Variants in SHANK2 observed in about 807,000 individuals in gnomAD.
SHANK2 encodes the protein SH3 and multiple ankyrin repeat domains 2.
Under a neutral mutation model 133.7 loss-of-function variants are expected in SHANK2, and 43 were observed. That is an observed-to-expected ratio of 0.32 (90% CI 0.25 to 0.41). The LOEUF is 0.41. Among genes scored for constraint, SHANK2 ranks in the 10% least tolerant of loss-of-function variants. SHANK2 has a pLI of 1.00. For synonymous variants in SHANK2, 1,017 were observed against 952.8 expected (o/e 1.07, Z -1.24); for missense variants, 1,994 against 2,235.8 (o/e 0.89, Z 2.18).
chr11:70,519,905 ATTTTTTTTTTT>A (rs781977357), intron 17 of SHANK2, among the ~76,000 whole-genome samples: 1 of 121,450 alleles, frequency 8.2e-6, no homozygotes, highest in Non-Finnish European at 1.7e-5. Flanking sequence ...ACCATGCCTA[ATTTTTTTTTTT>A]TTTTTTTTTT....
At chr11:70,599,891 A>AAAG in intron 17 of SHANK2, among the ~76,000 whole-genome samples, 1 of 72,150 alleles carries the variant, frequency 1.4e-5, no homozygotes, top group East Asian at 8.0e-4. Flanking sequence ...AAGAAAGAAA[A>AAAG]AGAAAGAAAG....
rs1208460026 is a variant in SHANK2, at chr11:70,500,462, A to G, written c.2308+108T>C. 2 of 1,482,032 alleles carry G rather than the reference A, an allele frequency of 1.3e-6. No homozygotes were observed. Among genetic ancestry groups the G allele is most frequent in the Non-Finnish European group, 1.8e-6 (2 of 1,084,286 alleles). 91.8% of individuals were successfully genotyped at this position (1,482,032 alleles called of 1,614,324 possible). On this transcript the variant is annotated intron_variant, in intron 21 of 25. Transcript: ENST00000601538. This position sits in a 1 kb window ranked among gnomAD's most constrained non-coding sequence, Gnocchi z 4.5. ...CGGGCAGGACCCAGCAGGAGAAGCC[A>G]ACAAGGCTTTGCGACACATTTGAGA...
At chr11:70,819,299 G>A (rs782769956) in intron 12 of SHANK2, among the ~76,000 whole-genome samples, 23 of 152,360 alleles carry the variant, frequency 1.5e-4, no homozygotes, top group Middle Eastern at 3.4e-3. Context: ...TCATAGAGGC[G>A]TCTGCAGCAA....
At chr11:71,233,836 T>G (rs1954785044) in intron 1 of SHANK2, among the ~76,000 whole-genome samples, 1 of 150,914 alleles carries the variant, frequency 6.6e-6, no homozygotes, top group Non-Finnish European at 1.5e-5. Flanking sequence ...TCACTTGAGG[T>G]CAGCAGTTAG....
intron 11 of SHANK2, among the ~76,000 whole-genome samples, chr11:70,829,079 C>A (rs1249547819): frequency 1.3e-5 from 2 of 152,204 alleles, no homozygotes; most frequent in Non-Finnish European, 2.9e-5. Flanking sequence ...CACGGAAGAC[C>A]TTGGGTGGAG....
rs975154580 is a variant in SHANK2, at chr11:70,813,370, A to G, written c.1494-6199T>C. 2.0e-5 allele frequency among the ~76,000 whole-genome samples: 3 copies of G among 152,268 alleles called. No homozygotes were observed. The East Asian group carries it at 5.8e-4, about 30-fold the overall frequency. ...CCACACGGCGCAGTGGTGCCAGTGAACGAGCACCAGCTCACCCTGGATGCA... is the reference window on the plus strand; with the variant it reads ...CCACACGGCGCAGTGGTGCCAGTGAGCGAGCACCAGCTCACCCTGGATGCA... On this transcript the variant is annotated intron_variant, in intron 12 of 25. Coordinates refer to ENST00000601538, the MANE Select transcript of SHANK2 (RefSeq NM_012309.5).
intron 17 of SHANK2, among the ~76,000 whole-genome samples, chr11:70,648,670 G>A (rs368218816): frequency 1.1e-4 from 16 of 152,282 alleles, no homozygotes; most frequent in African/African-American, 2.9e-4. Flanking sequence ...CCAGGGAAGG[G>A]CTGGCTTCTC....
chr11:70,673,666 C>G (rs2134344037), intron 15 of SHANK2, among the ~76,000 whole-genome samples: 1 of 152,392 alleles, frequency 6.6e-6, no homozygotes, highest in East Asian at 1.9e-4. Flanking sequence ...CGTGGTCCCC[C>G]CACCAGGATC....
At chr11:71,165,961 G>C (rs1361680051) in intron 2 of SHANK2, among the ~76,000 whole-genome samples, 2 of 152,120 alleles carry the variant, frequency 1.3e-5, no homozygotes, top group African/African-American at 4.8e-5. Flanking sequence ...AGCGTGAGTG[G>C]AGGACAACTC....
intron 4 of SHANK2, among the ~76,000 whole-genome samples, chr11:71,117,865 G>GGGA (rs1435438182): frequency 2.0e-5 from 3 of 152,176 alleles, no homozygotes; most frequent in Non-Finnish European, 4.4e-5. Context: ...GCTCCAGCAA[G>GGGA]GGATGGAACC....
intron 14 of SHANK2, among the ~76,000 whole-genome samples, chr11:70,783,062 CTCTG>C (rs570419953): frequency 4.4e-4 from 67 of 152,296 alleles, no homozygotes; most frequent in South Asian, 8.3e-4. Flanking sequence ...TCTTCTCTGT[CTCTG>C]TCTTTCTGCG....
At chr11:70,795,487 C>A (rs1947891333) in intron 14 of SHANK2, among the ~76,000 whole-genome samples, 1 of 145,332 alleles carries the variant, frequency 6.9e-6, no homozygotes, top group Middle Eastern at 3.7e-3. Flanking sequence ...CTCACTGCAA[C>A]CTCCGCCTCC....
intron 17 of SHANK2, among the ~76,000 whole-genome samples, chr11:70,652,191 G>A (rs192308496): frequency 6.6e-6 from 1 of 152,336 alleles, no homozygotes; most frequent in Admixed American, 6.5e-5. Context: ...TGGGAGCAGT[G>A]GTTTGAGCCA....
intron 3 of SHANK2, among the ~76,000 whole-genome samples, chr11:71,142,232 C>T (rs1405607158): frequency 6.6e-6 from 1 of 152,212 alleles, no homozygotes; most frequent in East Asian, 1.9e-4. Context: ...GGCGCGGTGG[C>T]TCACGCCTAT....
Position 70,700,355 on chromosome 11 carries a change from C to T in SHANK2, c.1778-1592G>A, listed in dbSNP as rs147871048. Among the ~76,000 whole-genome samples, 249 of 152,316 alleles carry T rather than the reference C, an allele frequency of 1.6e-3. 4 individuals are homozygous for T. In the East Asian group the frequency reaches 0.037, roughly 23 times the overall value. ...CCAGGGAGTGGGGCACACTCCACTT[C>T]GCAGGCCCCTCCAGTGCAGCCAGGG... On this transcript the variant is annotated intron_variant, in intron 14 of 25. Coordinates refer to ENST00000601538, the MANE Select transcript of SHANK2 (RefSeq NM_012309.5).
intron 17 of SHANK2, among the ~76,000 whole-genome samples, chr11:70,614,753 C>T (rs2060715525): frequency 1.3e-5 from 2 of 152,242 alleles, no homozygotes; most frequent in South Asian, 4.1e-4. Flanking sequence ...TGACCAAGCC[C>T]TTCTGCAGAT....
chr11:71,204,231 A>G (rs1187997719), intron 2 of SHANK2, among the ~76,000 whole-genome samples: 3 of 140,416 alleles, frequency 2.1e-5, no homozygotes, highest in Non-Finnish European at 4.6e-5. Context: ...AAAGATGTAA[A>G]TCCAAAAAAA....
intron 14 of SHANK2, among the ~76,000 whole-genome samples, chr11:70,710,977 C>T (rs1286101300): frequency 2.0e-5 from 3 of 152,270 alleles, no homozygotes; most frequent in Admixed American, 1.3e-4. Context: ...TGCAATCTCA[C>T]CCAAGACAGA....
rs1056484202 is a variant in SHANK2 at position 71,088,747 on chromosome 11, C to G, written c.912+3675G>C. On this transcript the variant is annotated intron_variant, in intron 8 of 25. Coordinates refer to ENST00000601538, the MANE Select transcript of SHANK2 (RefSeq NM_012309.5). ...GACCTTGTGGGTGACTGCACCACCCCACCAGGGGCCGCCCCTCATCCTGAA... is the reference window on the plus strand; with the variant it reads ...GACCTTGTGGGTGACTGCACCACCCGACCAGGGGCCGCCCCTCATCCTGAA... Among the ~76,000 whole-genome samples, 167 of 151,322 alleles carry G rather than the reference C, an allele frequency of 1.1e-3. 4 individuals are homozygous for G. In the East Asian group the frequency reaches 0.03, roughly 27 times the overall value.
Sources: allele counts gnomAD v4.1 joint callset (sites outside exome capture counted in the v4.1 genomes callset), GRCh38; gene constraint gnomAD v4.1.1; non-coding constraint Gnocchi (gnomAD v3.1); transcripts MANE v1.5; gene names NCBI Gene and HGNC (gene_info 2026-07-23, HGNC 2026-07-21).